Variants in SMCHD1 observed in about 807,000 individuals in gnomAD.
SMCHD1 encodes the protein structural maintenance of chromosomes flexible hinge domain containing 1, also known as structural maintenance of chromosomes flexible hinge domain-containing protein 1.
Under a neutral mutation model 254.7 loss-of-function variants are expected in SMCHD1, and 78 were observed. The ratio of observed to expected loss-of-function variants is 0.31; its 90% confidence interval spans 0.26 to 0.37. SMCHD1 has a LOEUF of 0.37. SMCHD1 is among the 10% of genes least tolerant of loss of function. The probability of loss-of-function intolerance (pLI) is 1.00; values close to 1 mark genes in which losing one functional copy is unlikely to be tolerated. For missense variants in SMCHD1, 1,840 were observed against 2,408.1 expected (o/e 0.76, Z 4.94); for synonymous variants, 766 against 794.9 (o/e 0.96, Z 0.61).
intron 28 of SMCHD1, among the ~76,000 whole-genome samples, chr18:2,741,277 G>A (rs1349263958): frequency 6.6e-6 from 1 of 152,168 alleles, no homozygotes; most frequent in African/African-American, 2.4e-5. Flanking sequence ...AATTCTTTCA[G>A]TCTAAAACAA....
Position 2,685,094 on chromosome 18 carries a change from A to ATTTTTTTTTTT in SMCHD1, c.639-3293_639-3292insTTTTTTTTTTT, listed in dbSNP as rs372694951. Among the ~76,000 whole-genome samples the ATTTTTTTTTTT allele has an allele frequency of 6.0e-4, 49 of 81,890 alleles. 12 individuals are homozygous for ATTTTTTTTTTT. Among genetic ancestry groups the ATTTTTTTTTTT allele is most frequent in the African/African-American group, 1.1e-3 (21 of 19,706 alleles). 53.7% of individuals were successfully genotyped at this position (81,890 alleles called of 152,430 possible). On this transcript the variant is annotated intron_variant, in intron 5 of 47. Transcript: ENST00000320876. ...AGCACACTGTTCTGTTCTGTCCCTT[A>ATTTTTTTTTTT]TTTTTTTCTTTTTTTTTTTTTTTTG...
intron 19 of SMCHD1, among the ~76,000 whole-genome samples, chr18:2,721,137 T>G (rs946564858): frequency 6.6e-6 from 1 of 152,232 alleles, no homozygotes; most frequent in Non-Finnish European, 1.5e-5. Context: ...CTGAGACTTA[T>G]GGGCGTCTGA....
chr18:2,795,631 T>C (rs1225408084), intron 45 of SMCHD1, among the ~76,000 whole-genome samples: 1 of 152,206 alleles, frequency 6.6e-6, no homozygotes, highest in Non-Finnish European at 1.5e-5. Flanking sequence ...TTATATTGAA[T>C]ACTGAATATC....
intron 37 of SMCHD1, among the ~76,000 whole-genome samples, chr18:2,769,468 T>G (rs1341026087): frequency 6.6e-6 from 1 of 152,192 alleles, no homozygotes; most frequent in African/African-American, 2.4e-5. Flanking sequence ...TGTTTATTGA[T>G]ACGATCATTT....
intron 39 of SMCHD1, among the ~76,000 whole-genome samples, chr18:2,770,867 C>T (rs1012574048): frequency 1.3e-4 from 20 of 152,256 alleles, no homozygotes; most frequent in East Asian, 3.9e-4. Flanking sequence ...GTGATCTGCC[C>T]ACCTTGGCCC....
chr18:2,756,982 T>C (rs2075693738), intron 34 of SMCHD1, among the ~76,000 whole-genome samples: 1 of 152,186 alleles, frequency 6.6e-6, no homozygotes, highest in Non-Finnish European at 1.5e-5. Flanking sequence ...ACTTTGGGCT[T>C]TTAAAATATA....
intron 17 of SMCHD1, among the ~76,000 whole-genome samples, chr18:2,711,276 T>TTG (rs1240872476): frequency 6.6e-6 from 1 of 151,544 alleles, no homozygotes. Flanking sequence ...TTTTTTTTTT[T>TTG]TGTGGTGGAG....
At chr18:2,688,535 A>G in intron 6 of SMCHD1, 27 bp downstream of exon 6, 1 of 1,598,702 alleles carries the variant, frequency 6.3e-7, no homozygotes, top group Non-Finnish European at 8.6e-7. Flanking sequence ...CTTATAAATG[A>G]AAGTTGATCA....
At chr18:2,769,957 A>AT (rs2075947550) in intron 38 of SMCHD1, 32 bp from the exon 39 acceptor site, 1 of 1,554,730 alleles carries the variant, frequency 6.4e-7, no homozygotes, top group African/African-American at 1.4e-5. Flanking sequence ...CAGTTTTTAA[A>AT]TTATTTAAAT....
chr18:2,676,061 C>T (rs2073741923), intron 5 of SMCHD1, among the ~76,000 whole-genome samples: 1 of 152,170 alleles, frequency 6.6e-6, no homozygotes, highest in Non-Finnish European at 1.5e-5. Context: ...ACCCCTTCAG[C>T]CTCTAGCTTC....
intron 15 of SMCHD1, among the ~76,000 whole-genome samples, chr18:2,706,911 A>G (rs1197620628): frequency 6.6e-6 from 1 of 152,170 alleles, no homozygotes; most frequent in Non-Finnish European, 1.5e-5. Flanking sequence ...GAAACTTATA[A>G]TCATGGCATA....
At chr18:2,668,593 A>C (rs1337947611) in intron 3 of SMCHD1, among the ~76,000 whole-genome samples, 2 of 152,164 alleles carry the variant, frequency 1.3e-5, no homozygotes, top group African/African-American at 4.8e-5. Flanking sequence ...CTCCCATCTT[A>C]AAAACACTAA....
In SMCHD1 at chr18:2,726,513, G is replaced by A; in HGVS notation, c.2762G>A (p.Arg921Lys). 8 of 1,372,420 alleles carry A rather than the reference G, an allele frequency of 5.8e-6. No individual in the cohort carries two copies. The highest frequency in any genetic ancestry group is 8.0e-6 in the Non-Finnish European group (8 of 997,844). 85.0% of individuals were successfully genotyped at this position (1,372,420 alleles called of 1,614,324 possible). The change falls in exon 22 of 48, where the codon AGA becomes AAA. Residue 921 changes from arginine (R) to lysine (K), a missense_variant. Transcript: ENST00000320876. ...LKEDSQILKI[R>K]LLPGHPRRLK... ...GAAGACTCACAGATTTTGAAAATTA[G>A]ATTACTACCTGGTAATATTATTTCA...
At chr18:2,790,348 A>C (rs532413474) in intron 45 of SMCHD1, among the ~76,000 whole-genome samples, 1 of 152,348 alleles carries the variant, frequency 6.6e-6, no homozygotes, top group East Asian at 1.9e-4. Context: ...TTGAGAGGGA[A>C]AGACCACGTT....
intron 44 of SMCHD1, among the ~76,000 whole-genome samples, chr18:2,781,162 G>A (rs1292563822): frequency 6.6e-6 from 1 of 152,228 alleles, no homozygotes; most frequent in African/African-American, 2.4e-5. Context: ...CCTCTGTGGG[G>A]GGAAACCTTA....
At chr18:2,709,251 C>CACACACATGTATACATATATATATAT (rs2074611920) in intron 17 of SMCHD1, among the ~76,000 whole-genome samples, 1 of 95,166 alleles carries the variant, frequency 1.1e-5, no homozygotes, top group African/African-American at 4.0e-5. Flanking sequence ...TATATATATA[C>CACACACATGTATACATATATATATAT]ACACACACAT....
rs916607509 is a variant in SMCHD1, at chr18:2,703,967, A to G, written c.1842+81A>G. 4 of 1,108,672 alleles carry G rather than the reference A, an allele frequency of 3.6e-6. No homozygotes were observed. The African/African-American group carries it at 4.9e-5, about 14-fold the overall frequency. 68.7% of individuals were successfully genotyped at this position (1,108,672 alleles called of 1,614,324 possible). On this transcript the variant is annotated intron_variant, in intron 13 of 47. Transcript: ENST00000320876. Reference sequence around the variant, plus strand: ...CATATGCAGAATCACATGTATAGAAAATAAGCTATTTTTAAAAATTTCTTT... The same window carrying G: ...CATATGCAGAATCACATGTATAGAAGATAAGCTATTTTTAAAAATTTCTTT...
chr18:2,711,865 G>A (rs2074684105), intron 17 of SMCHD1, among the ~76,000 whole-genome samples: 1 of 152,096 alleles, frequency 6.6e-6, no homozygotes, highest in Non-Finnish European at 1.5e-5. Flanking sequence ...CTCATGAAGG[G>A]CTTATTGTGT....
chr18:2,663,404 G>C (rs1052253932), intron 1 of SMCHD1, among the ~76,000 whole-genome samples: 2 of 152,036 alleles, frequency 1.3e-5, no homozygotes, highest in Non-Finnish European at 2.9e-5. Context: ...GAACCACTGT[G>C]CCTGGCCCAC....
Sources: gnomAD v4.1 joint callset for allele counts (sites outside exome capture counted in the v4.1 genomes callset) on GRCh38, gnomAD v4.1.1 for gene constraint, MANE v1.5 for transcripts, NCBI Gene and HGNC (gene_info 2026-07-23, HGNC 2026-07-21) for gene names.